AGMO: variants seen among roughly 807,000 people sequenced by gnomAD.
AGMO encodes glyceryl-ether monooxygenase.
Under a neutral mutation model 60.2 loss-of-function variants are expected in AGMO, and 75 were observed. That is an observed-to-expected ratio of 1.25 (90% CI 1.03 to 1.51). AGMO has a LOEUF of 1.51. AGMO is among the 40% of genes most tolerant of loss of function. AGMO has a pLI of 0.00. For synonymous variants in AGMO, 261 were observed against 177.1 expected (o/e 1.47, Z -3.76); for missense variants, 763 against 525.5 (o/e 1.45, Z -4.42).
rs115268735 is a variant in AGMO, at chr7:15,444,508, C to T, written c.410-13400G>A. ...CCTTCTTGCCAAAACCAAAGGCCTC[C>T]GTTTAGATGCCGTTGTATTTGAACT... On this transcript the variant is annotated intron_variant, in intron 3 of 12. Coordinates refer to ENST00000342526, the MANE Select transcript of AGMO (RefSeq NM_001004320.2). Among the ~76,000 whole-genome samples, 242 of 152,308 alleles carry T rather than the reference C, an allele frequency of 1.6e-3. 1 individual carries two copies. The highest frequency in any genetic ancestry group is 5.4e-3 in the African/African-American group (223 of 41,574).
intron 3 of AGMO, among the ~76,000 whole-genome samples, chr7:15,498,313 GTAGT>G (rs1231053123): frequency 6.6e-6 from 1 of 151,930 alleles, no homozygotes; most frequent in Non-Finnish European, 1.5e-5. Flanking sequence ...TCAAAGAAAG[GTAGT>G]TAGTGGGGAT....
At chr7:15,273,960 G>C (rs1278429872) in intron 12 of AGMO, among the ~76,000 whole-genome samples, 1 of 152,120 alleles carries the variant, frequency 6.6e-6, no homozygotes, top group African/African-American at 2.4e-5. Flanking sequence ...TGTGATTTTT[G>C]TACATTGATT....
intron 4 of AGMO, among the ~76,000 whole-genome samples, chr7:15,426,361 G>A (rs1000008478): frequency 3.3e-5 from 5 of 152,044 alleles, no homozygotes; most frequent in Admixed American, 6.6e-5. Context: ...AAAGTTTATA[G>A]GCCAACATAA....
At chr7:15,390,984 A>G in intron 6 of AGMO, 79 bp from the exon 7 acceptor site, 1 of 850,032 alleles carries the variant, frequency 1.2e-6, no homozygotes. Context: ...GTTTTTTAGA[A>G]TATATTCATA....
Position 15,529,647 on chromosome 7 carries a change from C to G in AGMO, c.409+15125G>C, listed in dbSNP as rs28477330. ...TATATATATAGAATATATATATATACTATATATTCTATATATATTCTATAT... is the reference window on the plus strand; with the variant it reads ...TATATATATAGAATATATATATATAGTATATATTCTATATATATTCTATAT... On this transcript the variant is annotated intron_variant, in intron 3 of 12. Coordinates refer to ENST00000342526, the MANE Select transcript of AGMO (RefSeq NM_001004320.2). Among the ~76,000 whole-genome samples the G allele has an allele frequency of 4.3e-3, 32 of 7,402 alleles. 4 individuals carry two copies. The highest frequency in any genetic ancestry group is 0.011 in the African/African-American group (28 of 2,516). 4.9% of individuals were successfully genotyped at this position (7,402 alleles called of 152,430 possible).
chr7:15,278,885 G>A (rs1417168044), intron 12 of AGMO, among the ~76,000 whole-genome samples: 4 of 152,166 alleles, frequency 2.6e-5, no homozygotes, highest in Non-Finnish European at 4.4e-5. Context: ...CTCCACTGAG[G>A]AACTGACACT....
At chr7:15,315,328 CTTTTTTTTT>C (rs1178276622) in intron 12 of AGMO, among the ~76,000 whole-genome samples, 2 of 48,198 alleles carry the variant, frequency 4.1e-5, no homozygotes, top group African/African-American at 1.5e-4. Flanking sequence ...TGGATATTTG[CTTTTTTTTT>C]TTTTTTTTTT....
intron 12 of AGMO, among the ~76,000 whole-genome samples, chr7:15,260,327 T>A (rs748603449): frequency 6.6e-6 from 1 of 151,804 alleles, no homozygotes; most frequent in Non-Finnish European, 1.5e-5. Flanking sequence ...AAAAAGATAT[T>A]CCATGCAAAT....
chr7:15,428,921 G>A (rs932066359), intron 4 of AGMO, among the ~76,000 whole-genome samples: 3 of 151,932 alleles, frequency 2.0e-5, no homozygotes, highest in African/African-American at 7.2e-5. Flanking sequence ...CATATATCCA[G>A]CCTATATATT....
intron 12 of AGMO, among the ~76,000 whole-genome samples, chr7:15,212,209 T>C (rs566879297): frequency 6.6e-6 from 1 of 151,398 alleles, no homozygotes; most frequent in African/African-American, 2.4e-5. Context: ...AATACATTAT[T>C]CTATCCATTC....
intron 12 of AGMO, among the ~76,000 whole-genome samples, chr7:15,298,186 T>C (rs1427065931): frequency 6.6e-6 from 1 of 152,038 alleles, no homozygotes; most frequent in African/African-American, 2.4e-5. Flanking sequence ...TGGCAGAAAA[T>C]AACAAGTTTC....
intron 12 of AGMO, among the ~76,000 whole-genome samples, chr7:15,219,266 T>A (rs958981865): frequency 6.6e-6 from 1 of 152,222 alleles, no homozygotes; most frequent in Non-Finnish European, 1.5e-5. Context: ...GTGTGCTGTG[T>A]GCAGTAGAGA....
At chr7:15,494,723 A>G (rs1003707732) in intron 3 of AGMO, among the ~76,000 whole-genome samples, 9 of 152,380 alleles carry the variant, frequency 5.9e-5, no homozygotes, top group African/African-American at 1.7e-4. Context: ...CCTCTTAAGT[A>G]TAACAGAAAA....
At position 15,204,195 on chromosome 7, in the gene AGMO, A is replaced by T. The variant is rs1025862641; in HGVS notation, c.1264-2836T>A. 8.5e-5 allele frequency among the ~76,000 whole-genome samples: 13 copies of T among 152,274 alleles called. 1 individual carries two copies. The highest frequency in any genetic ancestry group is 7.2e-4 in the Admixed American group (11 of 15,278). On this transcript the variant is annotated intron_variant, in intron 12 of 12. Transcript: ENST00000342526. ...ATACAATGTATAGATTCAAATATAT[A>T]TTGCACTATAATTTTAAGCCAGAAA...
rs1174623564 is a variant in AGMO, at chr7:15,365,552, G to C, written c.1225C>G (p.Leu409Val). The C allele has an allele frequency of 6.2e-7, 1 of 1,612,760 alleles. No homozygotes were observed. The highest frequency in any genetic ancestry group is 8.5e-7 in the Non-Finnish European group (1 of 1,179,142). The change falls in exon 12 of 13, where the codon CTG (leucine) becomes GTG (valine). Residue 409 changes from leucine (L) to valine (V), a missense_variant. Coordinates refer to ENST00000342526, the MANE Select transcript of AGMO (RefSeq NM_001004320.2). ...GACAATGAAGGGACAAGAGGCTTCA[G>C]GTGACCAAATCGGTACAGCATTAAG... ...MFLMLYRFGH[L>V]KPLVPSLSSA...
intron 3 of AGMO, among the ~76,000 whole-genome samples, chr7:15,480,684 T>C (rs1173103076): frequency 3.9e-5 from 6 of 152,166 alleles, no homozygotes; most frequent in Admixed American, 3.9e-4. Flanking sequence ...TTATCTGTTC[T>C]CCCATTTCAC....
chr7:15,135,426 T>C, the AGMO span, among the ~76,000 whole-genome samples: 113 of 152,272 alleles, frequency 7.4e-4, no homozygotes, highest in Non-Finnish European at 2.6e-4. Context: ...CTGTAACATC[T>C]GCCATGATAA....
intron 12 of AGMO, among the ~76,000 whole-genome samples, chr7:15,211,607 C>G (rs75630281): frequency 0.019 from 2,891 of 151,426 alleles, 57 homozygotes; most frequent in Middle Eastern, 0.034. Context: ...ATTTTAGTGT[C>G]TTAACATAAT....
chr7:15,183,783 T>G, the AGMO span, among the ~76,000 whole-genome samples: 1 of 152,158 alleles, frequency 6.6e-6, no homozygotes, highest in Non-Finnish European at 1.5e-5. Flanking sequence ...TAGAGAAAAT[T>G]AAACCTTTAA....
Sources: allele counts gnomAD v4.1 joint callset (sites outside exome capture counted in the v4.1 genomes callset), GRCh38; gene constraint gnomAD v4.1.1; transcripts MANE v1.5; gene names NCBI Gene and HGNC (gene_info 2026-07-23, HGNC 2026-07-21).